SNTB1: variants seen among roughly 807,000 people sequenced by gnomAD.
The protein encoded by SNTB1 is syntrophin beta 1, also known as beta-1-syntrophin.
In SNTB1, 36 loss-of-function variants were observed where a neutral mutation model predicts 48.9. The observed-to-expected ratio is 0.74, with a 90% confidence interval of 0.56 to 0.97. The LOEUF (loss-of-function observed/expected upper bound fraction) is 0.97. Ranked by LOEUF, SNTB1 falls within the 50% of genes least tolerant of loss-of-function variation. The probability of loss-of-function intolerance (pLI) is 0.00; values close to 1 mark genes in which losing one functional copy is unlikely to be tolerated. For missense variants in SNTB1, 786 were observed against 703.4 expected (o/e 1.12, Z -1.33); for synonymous variants, 299 against 294.6 (o/e 1.01, Z -0.15).
Position 120,548,803 on chromosome 8 carries a change from C to A in SNTB1, c.1292G>T (p.Gly431Val), listed in dbSNP as rs757212699. The A allele has an allele frequency of 1.9e-5, 30 of 1,613,970 alleles. No individual in the cohort carries two copies. Among genetic ancestry groups the A allele is most frequent in the Non-Finnish European group, 2.5e-5 (30 of 1,180,010 alleles). The change falls in exon 5 of 7, where the codon GGT (glycine) becomes GTT (valine). Residue 431 changes from glycine to valine, a missense_variant. Coordinates refer to ENST00000517992, the MANE Select transcript of SNTB1 (RefSeq NM_021021.4). ...AATGAGTTCAGCAGAATTGTGGCAA[C>A]CCTGTACTATGCTCCTTGTCCAGTG... ...LSHWTRSIVQ[G>V]CHNSAELIAE...
intron 1 of SNTB1, among the ~76,000 whole-genome samples, chr8:120,760,531 A>G (rs747876302): frequency 6.6e-6 from 1 of 152,050 alleles, no homozygotes; most frequent in African/African-American, 2.4e-5. Flanking sequence ...ACTCCTGGAG[A>G]CCCAGCCTGA....
chr8:120,777,297 A>G lies in SNTB1; in HGVS notation c.571+33976T>C, dbSNP rs146833055. ...GACCATGCATCACAATCTTGACACT[A>G]CAAGTATCTGTTCCCCACCCAACTG... On this transcript the variant is annotated intron_variant, in intron 1 of 6. Coordinates refer to ENST00000517992, the MANE Select transcript of SNTB1 (RefSeq NM_021021.4). Among the ~76,000 whole-genome samples, 881 of 152,324 alleles carry G rather than the reference A, an allele frequency of 5.8e-3. 9 individuals carry two copies. Among genetic ancestry groups the G allele is most frequent in the African/African-American group, 0.021 (856 of 41,570 alleles).
chr8:120,758,926 CTTAT>C (rs946102504), intron 1 of SNTB1, among the ~76,000 whole-genome samples: 1 of 152,074 alleles, frequency 6.6e-6, no homozygotes, highest in Admixed American at 6.6e-5. Context: ...CAGCAACCCA[CTTAT>C]TTATTTATTT....
chr8:120,570,239 TTTA>T (rs1237144139), intron 4 of SNTB1: 1 of 152,208 alleles, frequency 6.6e-6, no homozygotes, highest in Non-Finnish European at 1.5e-5. Context: ...GAAATTTGGT[TTTA>T]TTTTTATTTA....
intron 1 of SNTB1, among the ~76,000 whole-genome samples, chr8:120,746,490 C>T (rs1004455601): frequency 2.6e-5 from 4 of 152,252 alleles, no homozygotes; most frequent in East Asian, 1.9e-4. Flanking sequence ...CCCCAAGCCC[C>T]GTGTTGTTCA....
At chr8:120,784,505 G>A (rs766259965) in intron 1 of SNTB1, among the ~76,000 whole-genome samples, 1 of 152,110 alleles carries the variant, frequency 6.6e-6, no homozygotes, top group Non-Finnish European at 1.5e-5. Context: ...GGCTGAGTGG[G>A]CATCTAGCCA....
intron 1 of SNTB1, among the ~76,000 whole-genome samples, chr8:120,731,900 A>G (rs1211283129): frequency 2.6e-5 from 4 of 152,230 alleles, no homozygotes; most frequent in African/African-American, 7.2e-5. Flanking sequence ...GTATTCCCGA[A>G]TGCTATATAA....
At chr8:120,637,549 C>A (rs1817102686) in intron 2 of SNTB1, 2 of 197,066 alleles carry the variant, frequency 1.0e-5, no homozygotes. Flanking sequence ...CATCAATTTG[C>A]AAAACCTGCA....
chr8:120,772,426 T>C (rs1250963275), intron 1 of SNTB1, among the ~76,000 whole-genome samples: 1 of 151,850 alleles, frequency 6.6e-6, no homozygotes, highest in Non-Finnish European at 1.5e-5. Context: ...TTTCTATTTT[T>C]AGTAGAGACG....
chr8:120,680,585 A>G (rs1293144056), intron 2 of SNTB1, among the ~76,000 whole-genome samples: 2 of 152,164 alleles, frequency 1.3e-5, no homozygotes, highest in Non-Finnish European at 1.5e-5. Context: ...CAAAAGAAGA[A>G]AGAGCAGGGG....
At position 120,536,744 on chromosome 8, in the gene SNTB1, A is replaced by C. The variant is rs950193152; in HGVS notation, c.*2133T>G. The C allele has an allele frequency of 2.6e-5, 4 of 152,116 alleles. No individual in the cohort carries two copies. The highest frequency in any genetic ancestry group is 9.6e-5 in the African/African-American group (4 of 41,460). The allele number at this position is 152,116 out of a possible 1,614,324, so 9.4% of individuals were successfully genotyped here. A position where few individuals can be genotyped will look rare whatever the true frequency, so the allele number is the denominator to read the frequency against. On this transcript the variant is annotated 3_prime_UTR_variant, in exon 7 of 7. Coordinates refer to ENST00000517992, the MANE Select transcript of SNTB1 (RefSeq NM_021021.4). Reference sequence around the variant, plus strand: ...GTAGTTTCCATTGACCCCCACACAGATATTAATCAGCCCAAAGCTTAAGTG... The same window carrying C: ...GTAGTTTCCATTGACCCCCACACAGCTATTAATCAGCCCAAAGCTTAAGTG...
At chr8:120,810,909 C>T (rs1820414633) in intron 1 of SNTB1, among the ~76,000 whole-genome samples, 1 of 151,950 alleles carries the variant, frequency 6.6e-6, no homozygotes, top group South Asian at 2.1e-4. Context: ...CCTTCATTCT[C>T]AATTCCATAT....
chr8:120,785,154 C>T (rs1286177255), intron 1 of SNTB1, among the ~76,000 whole-genome samples: 1 of 152,132 alleles, frequency 6.6e-6, no homozygotes, highest in African/African-American at 2.4e-5. Flanking sequence ...GAGAAACCCC[C>T]AGCTGAGATT....
intron 2 of SNTB1, among the ~76,000 whole-genome samples, chr8:120,642,127 C>G (rs747683069): frequency 9.9e-5 from 15 of 152,156 alleles, no homozygotes; most frequent in Non-Finnish European, 1.5e-4. Context: ...AGGGCTGCGC[C>G]ATAGGTTCAT....
At chr8:120,713,202 T>A (rs1224307543) in intron 1 of SNTB1, among the ~76,000 whole-genome samples, 1 of 152,148 alleles carries the variant, frequency 6.6e-6, no homozygotes, top group Admixed American at 6.5e-5. Context: ...CATCTATAGA[T>A]ACACCTGATA....
intron 1 of SNTB1, among the ~76,000 whole-genome samples, chr8:120,701,279 T>C (rs1324381070): frequency 2.0e-5 from 3 of 152,198 alleles, no homozygotes; most frequent in East Asian, 3.9e-4. Context: ...GGAAGGAGAA[T>C]TGGCCCTGGG....
chr8:120,770,067 T>C (rs1819593141), intron 1 of SNTB1, among the ~76,000 whole-genome samples: 2 of 152,218 alleles, frequency 1.3e-5, no homozygotes, highest in Admixed American at 6.5e-5. Flanking sequence ...CTATATTTTC[T>C]GGGAAACATT....
chr8:120,793,625 G>A (rs1296912664), intron 1 of SNTB1, among the ~76,000 whole-genome samples: 1 of 151,906 alleles, frequency 6.6e-6, no homozygotes, highest in African/African-American at 2.4e-5. Context: ...TCTGAGAACC[G>A]GAATTATGAA....
At chr8:120,640,704 C>T (rs1318717921) in intron 2 of SNTB1, among the ~76,000 whole-genome samples, 1 of 152,110 alleles carries the variant, frequency 6.6e-6, no homozygotes, top group African/African-American at 2.4e-5. Flanking sequence ...TATGTTGAAC[C>T]AGCCTTGCAT....
Sources: gnomAD v4.1 joint callset for allele counts (sites outside exome capture counted in the v4.1 genomes callset) on GRCh38, gnomAD v4.1.1 for gene constraint, MANE v1.5 for transcripts, NCBI Gene and HGNC (gene_info 2026-07-23, HGNC 2026-07-21) for gene names.